The following OPCML variants were observed in gnomAD, a reference collection of about 807,000 sequenced individuals.
OPCML encodes opioid-binding protein/cell adhesion molecule.
A neutral mutation model predicts 37.8 loss-of-function variants in OPCML; 13 were observed. The ratio of observed to expected loss-of-function variants is 0.34; its 90% CI spans 0.22 to 0.55. The LOEUF is 0.55. OPCML is among the 20% of genes least tolerant of loss of function. The pLI, the probability that OPCML is intolerant of heterozygous loss-of-function variation, is 0.91. For synonymous variants in OPCML, 176 were observed against 168.8 expected (o/e 1.04, Z -0.33); for missense variants, 341 against 435.6 (o/e 0.78, Z 1.93).
At chr11:133,458,823 G>GTGTGTGTGTATATACACATAGATGCACC (rs1946786268) in intron 1 of OPCML, among the ~76,000 whole-genome samples, 1 of 146,632 alleles carries the variant, frequency 6.8e-6, no homozygotes, top group Non-Finnish European at 1.5e-5. Flanking sequence ...ATAGATGCAC[G>GTGTGTGTGTATATACACATAGATGCACC]TGTGTGTGTA....
intron 1 of OPCML, among the ~76,000 whole-genome samples, chr11:133,107,023 T>C (rs1397097017): frequency 2.0e-5 from 3 of 152,168 alleles, no homozygotes; most frequent in Non-Finnish European, 4.4e-5. Context: ...TATCCCCACC[T>C]GGAATCAGGG....
intron 1 of OPCML, among the ~76,000 whole-genome samples, chr11:133,168,175 C>T (rs74810563): frequency 0.047 from 7,126 of 152,254 alleles, 249 homozygotes; most frequent in Middle Eastern, 0.14. Context: ...TGTTTAGCAT[C>T]CTTAACACTG....
chr11:132,928,599 A>G (rs1945080872), intron 2 of OPCML, among the ~76,000 whole-genome samples: 1 of 152,078 alleles, frequency 6.6e-6, no homozygotes, highest in African/African-American at 2.4e-5. Flanking sequence ...AAGAGCTTGA[A>G]CAACACTACA....
chr11:133,526,871 C>T (rs922555222), intron 1 of OPCML, among the ~76,000 whole-genome samples: 1 of 152,198 alleles, frequency 6.6e-6, no homozygotes, highest in Non-Finnish European at 1.5e-5. Flanking sequence ...CAGAGCCGCC[C>T]CAAGGTGAAG....
At chr11:132,914,114 G>A (rs1944525872) in intron 2 of OPCML, among the ~76,000 whole-genome samples, 1 of 152,208 alleles carries the variant, frequency 6.6e-6, no homozygotes, top group African/African-American at 2.4e-5. Flanking sequence ...GAGGAGGTAA[G>A]AGGGACACCC....
chr11:132,929,043 A>G (rs1439099737), intron 2 of OPCML, among the ~76,000 whole-genome samples: 1 of 151,814 alleles, frequency 6.6e-6, no homozygotes, highest in African/African-American at 2.4e-5. Flanking sequence ...AGCCTTAAGG[A>G]ACTAAAAAAA....
At chr11:133,099,329 C>G (rs1380433336) in intron 1 of OPCML, among the ~76,000 whole-genome samples, 4 of 151,636 alleles carry the variant, frequency 2.6e-5, no homozygotes, top group Admixed American at 6.6e-5. Flanking sequence ...GTGGCACAAT[C>G]TCAGCTCACC....
chr11:133,223,407 G>C (rs917222286), intron 1 of OPCML, among the ~76,000 whole-genome samples: 2 of 152,158 alleles, frequency 1.3e-5, no homozygotes, highest in Non-Finnish European at 1.5e-5. Flanking sequence ...AGCAGGTGCC[G>C]TGTTTTGTTT....
At chr11:132,972,523 A>G (rs1259155459) in intron 1 of OPCML, among the ~76,000 whole-genome samples, 10 of 152,216 alleles carry the variant, frequency 6.6e-5, no homozygotes, top group Non-Finnish European at 1.3e-4. Context: ...CTGGTGCTGC[A>G]TCTCTTCGTG....
At chr11:132,492,523 G>A (rs911080784) in intron 4 of OPCML, among the ~76,000 whole-genome samples, 13 of 151,970 alleles carry the variant, frequency 8.6e-5, no homozygotes, top group East Asian at 1.9e-4. Context: ...TGTTGTTGTC[G>A]TTGTTGTTGT....
chr11:132,521,171 T>A (rs1423207608), intron 4 of OPCML, among the ~76,000 whole-genome samples: 2 of 152,204 alleles, frequency 1.3e-5, no homozygotes, highest in East Asian at 3.8e-4. Flanking sequence ...GCCACATAAA[T>A]GTCTTCTTTT....
chr11:132,804,227 G>A (rs1281417530), intron 2 of OPCML, among the ~76,000 whole-genome samples: 3 of 151,888 alleles, frequency 2.0e-5, no homozygotes, highest in African/African-American at 7.3e-5. Flanking sequence ...ACAATTCGCC[G>A]GGTTTCTACC....
chr11:133,294,811 C>CTTTTTTTTTTTTTTTTTTTTTTTTTT (rs1942582369), intron 1 of OPCML, among the ~76,000 whole-genome samples: 1 of 95,612 alleles, frequency 1.0e-5, no homozygotes, highest in African/African-American at 4.5e-5. Context: ...TTCTTTCTTT[C>CTTTTTTTTTTTTTTTTTTTTTTTTTT]TTTCTTTTTT....
chr11:132,516,794 C>T (rs185283676), intron 4 of OPCML, among the ~76,000 whole-genome samples: 42 of 152,266 alleles, frequency 2.8e-4, no homozygotes, highest in Admixed American at 3.9e-4. Context: ...AAACATTGTG[C>T]GCTTGGTGCA....
intron 1 of OPCML, among the ~76,000 whole-genome samples, chr11:133,385,180 G>C (rs28649760): frequency 6.6e-6 from 1 of 152,062 alleles, no homozygotes; most frequent in Non-Finnish European, 1.5e-5. Context: ...TGGAGGGGCC[G>C]TGTGCTGAGG....
At chr11:132,718,023 T>C (rs1355729795) in intron 2 of OPCML, among the ~76,000 whole-genome samples, 2 of 152,176 alleles carry the variant, frequency 1.3e-5, no homozygotes, top group African/African-American at 2.4e-5. Flanking sequence ...CACACCATCG[T>C]CAAGGTGCAG....
chr11:132,509,479 C>T (rs949640715), intron 4 of OPCML, among the ~76,000 whole-genome samples: 3 of 152,158 alleles, frequency 2.0e-5, no homozygotes, highest in Non-Finnish European at 1.5e-5. Context: ...AGCAGCCCCT[C>T]CCATCACAGG....
At chr11:132,959,333 G>A (rs986905984) in intron 1 of OPCML, among the ~76,000 whole-genome samples, 3 of 152,216 alleles carry the variant, frequency 2.0e-5, no homozygotes, top group East Asian at 1.9e-4. Context: ...GATGAGCAAA[G>A]GAAGTGGTTT....
At chr11:132,591,716 T>C (rs1053977797) in intron 3 of OPCML, among the ~76,000 whole-genome samples, 2 of 152,222 alleles carry the variant, frequency 1.3e-5, no homozygotes, top group African/African-American at 4.8e-5. Context: ...TTAAAATAAA[T>C]GAGACGTTAC....
Sources: gnomAD v4.1 joint callset for allele counts (sites outside exome capture counted in the v4.1 genomes callset) on GRCh38, gnomAD v4.1.1 for gene constraint, MANE v1.5 for transcripts, NCBI Gene and HGNC (gene_info 2026-07-23, HGNC 2026-07-21) for gene names.